ZBTB3: variants seen among roughly 807,000 people sequenced by gnomAD.
ZBTB3 encodes the protein zinc finger and BTB domain-containing protein 3.
A neutral mutation model predicts 30.6 loss-of-function variants in ZBTB3; 15 were observed. That is an observed-to-expected ratio of 0.49 (90% confidence interval 0.33 to 0.75). The LOEUF is 0.75. ZBTB3 is among the 30% of genes least tolerant of loss of function. The pLI, the probability that ZBTB3 is intolerant of heterozygous loss-of-function variation, is 0.02. For synonymous variants in ZBTB3, 258 were observed against 261.7 expected (o/e 0.99, Z 0.14); for missense variants, 599 against 652.1 (o/e 0.92, Z 0.89).
intron 1 of ZBTB3, 67 bp downstream of exon 1, chr11:62,753,897 C>T (rs1169814077): frequency 3.8e-6 from 6 of 1,591,638 alleles, no homozygotes; most frequent in Non-Finnish European, 5.2e-6. Flanking sequence ...AGGCCCCACC[C>T]CCGTCCGATA....
Position 62,752,577 on chromosome 11 carries a change from T to C in ZBTB3, c.1088A>G (p.His363Arg). Residue 363 changes from histidine to arginine, a missense_variant, in exon 2 of 2, where the codon CAC becomes CGC. Coordinates refer to ENST00000394807, the MANE Select transcript of ZBTB3 (RefSeq NM_001370809.1). The part of the protein sequence containing the change: ...AGLEEVGPSD[H>R]FLPTDPHLPY... ...TAGATGAGGGTCTGTTGGCAGGAAG[T>C]GGTCACTTGGCCCCACCTCCTCCAG... 1 of 1,614,126 alleles carries C rather than the reference T, an allele frequency of 6.2e-7. No individual in the cohort carries two copies. The highest frequency in any genetic ancestry group is 8.5e-7 in the Non-Finnish European group (1 of 1,180,030).
rs2084016551 is a variant in ZBTB3, at chr11:62,752,015, G to A, written c.*75C>T. ...CCTTTATTCTTGTCACCCAGCAGGG[G>A]TGATAAGGTGCCACCAACCTTCTGA... On this transcript the variant is annotated 3_prime_UTR_variant, in exon 2 of 2. Coordinates refer to ENST00000394807, the MANE Select transcript of ZBTB3 (RefSeq NM_001370809.1). 5.7e-6 allele frequency: 8 copies of A among 1,409,004 alleles called. No individual in the cohort carries two copies. The highest frequency in any genetic ancestry group is 2.2e-5 in the Admixed American group (1 of 45,170). The allele number at this position is 1,409,004 out of a possible 1,614,324, so 87.3% of individuals were successfully genotyped here.
In ZBTB3 at chr11:62,752,858, T is replaced by G; in HGVS notation, c.807A>C (p.Gln269His). 1 of 1,614,052 alleles carries G rather than the reference T, an allele frequency of 6.2e-7. No homozygotes were observed. ...VEPKDPGGPL[Q>H]GFYPPASAPT... The stretch of plus-strand genomic sequence containing the variant: ...GGGCTGAGGCTGGGGGATAGAAGCC[T>G]TGCAGTGGTCCTCCAGGATCCTTTG... Residue 269 changes from glutamine to histidine, a missense_variant, in exon 2 of 2, where the codon CAA becomes CAC. By Grantham distance (24) the Gln-to-His change is conservative. Transcript: ENST00000394807.
At position 62,751,794 on chromosome 11, in the gene ZBTB3, G is replaced by C. The variant is rs1437671944; in HGVS notation, c.*296C>G. On this transcript the variant is annotated 3_prime_UTR_variant, in exon 2 of 2. Transcript: ENST00000394807. ...CTAAAAATCAAAAAAAATTAGCCAG[G>C]CATGGTGATAGGCGCCTGTAGTCCC... 1 of 211,126 alleles carries C rather than the reference G, an allele frequency of 4.7e-6. No homozygotes were observed. The highest frequency in any genetic ancestry group is 9.4e-6 in the Non-Finnish European group (1 of 106,046). 13.1% of individuals were successfully genotyped at this position (211,126 alleles called of 1,614,324 possible). A position where few individuals can be genotyped will look rare whatever the true frequency, so the allele number is the denominator to read the frequency against.
rs974209331 is a variant in ZBTB3, at chr11:62,752,689, G to C, written c.976C>G (p.Pro326Ala). The change falls in exon 2 of 2, where the codon CCT becomes GCT. Residue 326 changes from proline (P) to alanine (A), a missense_variant. Coordinates refer to ENST00000394807, the MANE Select transcript of ZBTB3 (RefSeq NM_001370809.1). The part of the protein sequence containing the change: ...TDVSDEQPQG[P>A]ERAFPSGGAV... ...CCTCCAGATGGGAAAGCTCTCTCAGGACCCTGAGGCTGTTCATCTGACACA... is the reference window on the plus strand; with the variant it reads ...CCTCCAGATGGGAAAGCTCTCTCAGCACCCTGAGGCTGTTCATCTGACACA... 13 of 1,614,072 alleles carry C rather than the reference G, an allele frequency of 8.1e-6. No homozygotes were observed. The African/African-American group carries it at 1.3e-4, about 17-fold the overall frequency.
chr11:62,753,762 C>A, intron 1 of ZBTB3, 47 bp from the exon 2 acceptor site: 4 of 1,551,998 alleles, frequency 2.6e-6, no homozygotes, highest in Non-Finnish European at 3.5e-6. Context: ...TCCCCAGCAA[C>A]CTTATCAGCC....
Position 62,752,454 on chromosome 11 carries a change from G to A in ZBTB3, c.1211C>T (p.Ser404Phe), listed in dbSNP as rs2134842319. The A allele has an allele frequency of 6.2e-7, 1 of 1,614,166 alleles. No homozygotes were observed. The highest frequency in any genetic ancestry group is 1.6e-4 in the Middle Eastern group (1 of 6,062). ...TCCTGGAGCTGCTTCGTACTCAGAA[G>A]ACAGGTAAAGTGGCTCATGCAGGGA... is the stretch of plus-strand genomic sequence containing the variant. ...PASLHEPLYL[S>F]SEYEAAPGSF... Residue 404 changes from serine to phenylalanine, a missense_variant, in exon 2 of 2, where the codon TCT becomes TTT. Physicochemically the swap from Ser to Phe is radical, Grantham distance 155 (BLOSUM62 -2). Coordinates refer to ENST00000394807, the MANE Select transcript of ZBTB3 (RefSeq NM_001370809.1).
chr11:62,752,257 G>A lies in ZBTB3; in HGVS notation c.1408C>T (p.Arg470Cys). The change falls in exon 2 of 2, where the codon CGC (arginine) becomes TGC (cysteine). Residue 470 changes from arginine (R) to cysteine (C), a missense_variant. Physicochemically the swap from Arg to Cys is radical, Grantham distance 180 (BLOSUM62 -3). Coordinates refer to ENST00000394807, the MANE Select transcript of ZBTB3 (RefSeq NM_001370809.1). The part of the protein sequence containing the change: ...TQSGDLYRHI[R>C]KAHNEDLAKR... The stretch of plus-strand genomic sequence containing the variant: ...GCCAGGTCCTCATTGTGAGCCTTGC[G>A]GATGTGGCGGTAGAGGTCCCCTGAC... 2 of 1,614,196 alleles carry A rather than the reference G, an allele frequency of 1.2e-6. No individual in the cohort carries two copies. Among genetic ancestry groups the A allele is most frequent in the Non-Finnish European group, 1.7e-6 (2 of 1,180,040 alleles).
At position 62,754,107 on chromosome 11, in the gene ZBTB3, T is replaced by C. The variant is rs1590924715; in HGVS notation, c.-195A>G. On this transcript the variant is annotated 5_prime_UTR_variant, in exon 1 of 2. Transcript: ENST00000394807. ...GGCTAAGGACTACCAGGGTGGGAAC[T>C]AGCGGAGAAAGCTGATACCTCACCC... 1 of 1,596,540 alleles carries C rather than the reference T, an allele frequency of 6.3e-7. No individual in the cohort carries two copies. Among genetic ancestry groups the C allele is most frequent in the South Asian group, 1.1e-5 (1 of 90,724 alleles).
chr11:62,753,334 T>G lies in ZBTB3; in HGVS notation c.331A>C (p.Ile111Leu). 6.2e-7 allele frequency: 1 copy of G among 1,614,110 alleles called. No individual in the cohort carries two copies. Among genetic ancestry groups the G allele is most frequent in the Non-Finnish European group, 8.5e-7 (1 of 1,180,030 alleles). Reference protein sequence around the residue: ...AAASYLHMNDIVKVCKRRLQA... With the variant: ...AAASYLHMNDLVKVCKRRLQA... ...AGCCGCCGCTTACACACCTTGACGA[T>G]GTCATTCATGTGCAAGTAGCTGGCA... The change falls in exon 2 of 2, where the codon ATC (isoleucine) becomes CTC (leucine). Residue 111 changes from isoleucine (I) to leucine (L), a missense_variant. By Grantham distance (5) the Ile-to-Leu change is conservative (BLOSUM62 2). Coordinates refer to ENST00000394807, the MANE Select transcript of ZBTB3 (RefSeq NM_001370809.1).
Position 62,751,983 on chromosome 11 carries a change from G to A in ZBTB3, c.*107C>T, listed in dbSNP as rs2084016476. On this transcript the variant is annotated 3_prime_UTR_variant, in exon 2 of 2. Transcript: ENST00000394807. ...AAAAAGGGTAGGAACTTTCAGCCTG[G>A]GCAGAGCCTTTATTCTTGTCACCCA... 1 of 1,134,000 alleles carries A rather than the reference G, an allele frequency of 8.8e-7. No homozygotes were observed. Among genetic ancestry groups the A allele is most frequent in the Non-Finnish European group, 1.2e-6 (1 of 811,944 alleles). The allele number at this position is 1,134,000 out of a possible 1,614,324, so 70.2% of individuals were successfully genotyped here. A position where few individuals can be genotyped will look rare whatever the true frequency, so the allele number is the denominator to read the frequency against.
rs775935149 is a variant in ZBTB3, at chr11:62,753,012, G to C, written c.653C>G (p.Ser218Cys). Residue 218 changes from serine to cysteine, a missense_variant, in exon 2 of 2, where the codon TCT (serine) becomes TGT (cysteine). Coordinates refer to ENST00000394807, the MANE Select transcript of ZBTB3 (RefSeq NM_001370809.1). ...RAPHPPVADV[S>C]LASPSSSTET... ...AGTGGAGCTACTAGGGCTGGCAAGA[G>C]AGACATCAGCCACTGGTGGATGAGG... The C allele has an allele frequency of 6.2e-7, 1 of 1,614,032 alleles. No homozygotes were observed. Among genetic ancestry groups the C allele is most frequent in the Non-Finnish European group, 8.5e-7 (1 of 1,180,014 alleles).
In ZBTB3 at chr11:62,752,490, G is replaced by A; in HGVS notation, c.1175C>T (p.Pro392Leu). 6.2e-7 allele frequency: 1 copy of A among 1,614,202 alleles called. No homozygotes were observed. Among genetic ancestry groups the A allele is most frequent in the Non-Finnish European group, 8.5e-7 (1 of 1,180,044 alleles). The change falls in exon 2 of 2, where the codon CCT (proline) becomes CTT (leucine). Residue 392 changes from proline (P) to leucine (L), a missense_variant. Coordinates refer to ENST00000394807, the MANE Select transcript of ZBTB3 (RefSeq NM_001370809.1). ...TGGCTCATGCAGGGATGCGGGTGCA[G>A]GCAGAGGTGAGGTCACCAGTCCTCG... Reference protein sequence around the residue: ...YHRGLVTSPLPAPASLHEPLY... With the variant: ...YHRGLVTSPLLAPASLHEPLY...
chr11:62,754,132 C>T lies in ZBTB3; in HGVS notation c.-220G>A, dbSNP rs996381714. 1.4e-6 allele frequency: 2 copies of T among 1,476,948 alleles called. No homozygotes were observed. Among genetic ancestry groups the T allele is most frequent in the Non-Finnish European group, 1.9e-6 (2 of 1,057,442 alleles). The allele number at this position is 1,476,948 out of a possible 1,614,324, so 91.5% of individuals were successfully genotyped here. On this transcript the variant is annotated 5_prime_UTR_variant, in exon 1 of 2. Coordinates refer to ENST00000394807, the MANE Select transcript of ZBTB3 (RefSeq NM_001370809.1). ...TAGCGGAGAAAGCTGATACCTCACC[C>T]ACCACCGAGCAGCCACAGGGCGAGC... is the stretch of plus-strand genomic sequence containing the variant.
In ZBTB3 at chr11:62,754,010, C is replaced by T; in HGVS notation, c.-98G>A. The T allele has an allele frequency of 6.2e-7, 1 of 1,614,118 alleles. No individual in the cohort carries two copies. The highest frequency in any genetic ancestry group is 8.5e-7 in the Non-Finnish European group (1 of 1,180,028). ...ACGAAGTAGAGATCTTTTTCGCTCCCAGGCCTTGCCAGGCGATGCCTCTAC... is the reference window on the plus strand; with the variant it reads ...ACGAAGTAGAGATCTTTTTCGCTCCTAGGCCTTGCCAGGCGATGCCTCTAC... On this transcript the variant is annotated 5_prime_UTR_variant, in exon 1 of 2. It introduces an in-frame stop codon into an upstream open reading frame of the 5' UTR. Transcript: ENST00000394807.
chr11:62,752,889 A>C lies in ZBTB3; in HGVS notation c.776T>G (p.Val259Gly), dbSNP rs1377958336. ...LDVGPESLRV[V>G]EPKDPGGPLQ... is the part of the protein sequence containing the mutation. ...TGGTCCTCCAGGATCCTTTGGTTCCACCACCCTCAGACTCTCAGGACCCAC... is the reference window on the plus strand; with the variant it reads ...TGGTCCTCCAGGATCCTTTGGTTCCCCCACCCTCAGACTCTCAGGACCCAC... The change falls in exon 2 of 2, where the codon GTG becomes GGG. Residue 259 changes from valine to glycine, a missense_variant. Transcript: ENST00000394807. 6.2e-7 allele frequency: 1 copy of C among 1,613,974 alleles called. No individual in the cohort carries two copies.
At chr11:62,753,764 T>C in intron 1 of ZBTB3, 49 bp from the exon 2 acceptor site, 3 of 1,551,962 alleles carry the variant, frequency 1.9e-6, no homozygotes, top group Non-Finnish European at 2.6e-6. Flanking sequence ...CCCAGCAACC[T>C]TATCAGCCCT....
Position 62,752,579 on chromosome 11 carries a change from G to A in ZBTB3, c.1086C>T (p.Asp362=), listed in dbSNP as rs749162608. ...GATGAGGGTCTGTTGGCAGGAAGTG[G>A]TCACTTGGCCCCACCTCCTCCAGTC... The part of the protein sequence containing the change: ...AAGLEEVGPS[D]HFLPTDPHLP... Residue 362 remains aspartate (D), a synonymous_variant, in exon 2 of 2, where the codon GAC becomes GAT. Transcript: ENST00000394807. 6.2e-7 allele frequency: 1 copy of A among 1,614,186 alleles called. No individual in the cohort carries two copies. Among genetic ancestry groups the A allele is most frequent in the African/African-American group, 1.3e-5 (1 of 75,054 alleles).
Position 62,753,571 on chromosome 11 carries a change from T to TTGTG in ZBTB3, c.93_94insCACA (p.Ser32HisfsTer39). The TTGTG allele has an allele frequency of 6.2e-7, 1 of 1,614,108 alleles. No homozygotes were observed. Among genetic ancestry groups the TTGTG allele is most frequent in the Non-Finnish European group, 8.5e-7 (1 of 1,180,004 alleles). On this transcript the variant is annotated frameshift_variant, in exon 2 of 2. Coordinates refer to ENST00000394807, the MANE Select transcript of ZBTB3 (RefSeq NM_001370809.1). LOFTEE classifies it high-confidence loss of function. The stretch of plus-strand genomic sequence containing the variant: ...GCCCGATGGGCCAAGAACTGGGTAC[T>TTGTG]ACCCACCATCACGGTGCAGTCACAA...
Sources: allele counts gnomAD v4.1 joint callset, GRCh38; gene constraint gnomAD v4.1.1; transcripts MANE v1.5; gene names NCBI Gene and HGNC (gene_info 2026-07-23, HGNC 2026-07-21).